ZFHX3: variants seen among roughly 807,000 people sequenced by gnomAD.
ZFHX3 encodes zinc finger homeobox protein 3.
ZFHX3 carries 42 observed loss-of-function variants against 279.1 expected under a neutral mutation model. The observed-to-expected ratio is 0.15, with a 90% CI of 0.12 to 0.19. The LOEUF (loss-of-function observed/expected upper bound fraction) is 0.19, where lower values mean the gene tolerates loss of function less well. Among genes scored for constraint, ZFHX3 ranks in the 10% least tolerant of loss-of-function variants. The pLI, the probability that ZFHX3 is intolerant of heterozygous loss-of-function variation, is 1.00. For missense variants in ZFHX3, 4,981 were observed against 4,754.0 expected (o/e 1.05, Z -1.40); for synonymous variants, 2,293 against 1,957.8 (o/e 1.17, Z -4.52).
intron 3 of ZFHX3, among the ~76,000 whole-genome samples, chr16:72,927,005 G>A (rs956741278): frequency 6.6e-6 from 1 of 152,212 alleles, no homozygotes; most frequent in African/African-American, 2.4e-5. Context: ...CCATGAGCTG[G>A]AGGAGAGTCC....
intron 2 of ZFHX3, among the ~76,000 whole-genome samples, chr16:73,513,092 T>A (rs1024280623): frequency 2.0e-5 from 3 of 152,206 alleles, no homozygotes; most frequent in Admixed American, 6.5e-5. Context: ...ATCATTACTG[T>A]AATGGCTGGC....
chr16:73,157,342 A>G (rs996504518), intron 5 of ZFHX3, among the ~76,000 whole-genome samples: 4 of 151,606 alleles, frequency 2.6e-5, no homozygotes, highest in African/African-American at 9.7e-5. Flanking sequence ...TCAGACACGG[A>G]CTTGTGTTGT....
At chr16:73,448,096 G>T (rs182843602) in intron 3 of ZFHX3, among the ~76,000 whole-genome samples, 1 of 152,134 alleles carries the variant, frequency 6.6e-6, no homozygotes, top group Non-Finnish European at 1.5e-5. Flanking sequence ...GTGTGTTTGT[G>T]GGGGCAGGGG....
exon 1 of ZFHX3, chr16:73,058,573 C>T: frequency 1.3e-5 from 3 of 222,316 alleles, no homozygotes; most frequent in Non-Finnish European, 1.7e-5. Context: ...GCGCTGCTGG[C>T]GACGGCGGCG....
chr16:73,006,449 C>A (rs1963703703), intron 1 of ZFHX3, among the ~76,000 whole-genome samples: 1 of 151,884 alleles, frequency 6.6e-6, no homozygotes. Context: ...ATAGTGAGAC[C>A]CCAATCTCTA....
chr16:73,107,235 A>G (rs566381314), intron 7 of ZFHX3, among the ~76,000 whole-genome samples: 24 of 152,198 alleles, frequency 1.6e-4, no homozygotes, highest in African/African-American at 5.8e-4. Flanking sequence ...GCTTAAATCT[A>G]GGAGGCAGAG....
chr16:73,001,828 A>AG (rs777763928), intron 1 of ZFHX3, among the ~76,000 whole-genome samples: 3 of 151,338 alleles, frequency 2.0e-5, no homozygotes, highest in Non-Finnish European at 2.9e-5. Context: ...CAAAAAAAAA[A>AG]GGGGGGGAAA....
intron 1 of ZFHX3, among the ~76,000 whole-genome samples, chr16:73,712,911 G>T (rs1319135309): frequency 6.6e-6 from 1 of 152,170 alleles, no homozygotes; most frequent in Non-Finnish European, 1.5e-5. Context: ...CTAGCTTGAG[G>T]TCCTATGTAC....
At chr16:73,252,921 G>A (rs1318008866) in intron 5 of ZFHX3, among the ~76,000 whole-genome samples, 7 of 152,208 alleles carry the variant, frequency 4.6e-5, no homozygotes, top group African/African-American at 7.2e-5. Context: ...AGAGAGGGGA[G>A]CTTAGAGAGA....
rs16971694 is a variant in ZFHX3, at chr16:73,305,103, A to G, written c.-1194+13137T>C. The stretch of plus-strand genomic sequence containing the variant: ...TAAAAAAAAAAGCAGCCTAGGAAAA[A>G]TGGCCCAAGATCGGAGAGAAAGAGC... On this transcript the variant is annotated intron_variant, in intron 4 of 17. Coordinates refer to the ZFHX3 transcript ENST00000641206. Among the ~76,000 whole-genome samples, 683 of 152,306 alleles carry G rather than the reference A, an allele frequency of 4.5e-3. 6 individuals carry two copies. The highest frequency in any genetic ancestry group is 0.015 in the African/African-American group (631 of 41,566).
intron 1 of ZFHX3, among the ~76,000 whole-genome samples, chr16:73,044,304 C>A (rs953787088): frequency 6.6e-6 from 1 of 152,128 alleles, no homozygotes; most frequent in African/African-American, 2.4e-5. Context: ...TACAGTAACG[C>A]CCCCATCCTG....
intron 4 of ZFHX3, among the ~76,000 whole-genome samples, chr16:73,313,512 C>T (rs1486190238): frequency 6.6e-6 from 1 of 152,126 alleles, no homozygotes; most frequent in Non-Finnish European, 1.5e-5. Context: ...TCTTATTGTC[C>T]CTATTTCATA....
At chr16:72,946,971 G>A (rs1283932143) in intron 3 of ZFHX3, among the ~76,000 whole-genome samples, 1 of 152,226 alleles carries the variant, frequency 6.6e-6, no homozygotes, top group Non-Finnish European at 1.5e-5. Context: ...GACAGAAAGA[G>A]CCCAGTTCCC....
chr16:72,975,711 C>T (rs1223867937), intron 1 of ZFHX3, among the ~76,000 whole-genome samples: 1 of 152,180 alleles, frequency 6.6e-6, no homozygotes, highest in Admixed American at 6.5e-5. Flanking sequence ...AGAGCTCACA[C>T]TTCCTTAACC....
intron 1 of ZFHX3, among the ~76,000 whole-genome samples, chr16:73,802,024 C>T (rs1213452386): frequency 6.6e-6 from 1 of 152,172 alleles, no homozygotes; most frequent in East Asian, 1.9e-4. Flanking sequence ...CTGAAGTCAT[C>T]CTTGTTTATG....
intron 4 of ZFHX3, among the ~76,000 whole-genome samples, chr16:72,849,141 A>G (rs1362858060): frequency 6.6e-6 from 1 of 152,214 alleles, no homozygotes; most frequent in Non-Finnish European, 1.5e-5. Context: ...GCCCTCCAGG[A>G]GCACAGGGCA....
In ZFHX3 at chr16:73,797,133, G is replaced by A. The variant is rs184982854; in HGVS notation, c.-1608+94518C>T. On this transcript the variant is annotated intron_variant, in intron 1 of 17. Transcript: ENST00000641206. ...CAGGAGAATGGCTTGAACCCAGGAG[G>A]CAGAGGTGGCAGTGAGCCAAGATCA... Among the ~76,000 whole-genome samples the A allele has an allele frequency of 1.6e-4, 24 of 152,160 alleles. 1 individual carries two copies. The East Asian group carries it at 4.4e-3, about 28-fold the overall frequency.
rs374859275 is a variant in ZFHX3 at position 72,796,325 on chromosome 16, T to C, written c.6357A>G (p.Gly2119=). The C allele has an allele frequency of 6.2e-6, 10 of 1,613,886 alleles. No individual in the cohort carries two copies. In the African/African-American group the frequency reaches 1.3e-4, roughly 22 times the overall value. The change falls in exon 9 of 10, where the codon GGA becomes GGG. Residue 2119 remains glycine, a synonymous_variant. Coordinates refer to ENST00000268489, the MANE Select transcript of ZFHX3 (RefSeq NM_006885.4). The part of the protein sequence containing the change: ...TLPAQLPPQL[G]PVEPLPADLA... ...GGTCCGCAGGCAGAGGCTCCACAGGTCCCAGCTGCGGGGGTAGCTGAGCCG... is the reference window on the plus strand; with the variant it reads ...GGTCCGCAGGCAGAGGCTCCACAGGCCCCAGCTGCGGGGGTAGCTGAGCCG...
chr16:73,720,263 A>G (rs2053461638), intron 1 of ZFHX3, among the ~76,000 whole-genome samples: 1 of 152,206 alleles, frequency 6.6e-6, no homozygotes, highest in Non-Finnish European at 1.5e-5. Flanking sequence ...ATCTGGCAAC[A>G]TTTATCAACA....
Sources: allele counts gnomAD v4.1 joint callset (sites outside exome capture counted in the v4.1 genomes callset), GRCh38; gene constraint gnomAD v4.1.1; transcripts MANE v1.5; gene names NCBI Gene and HGNC (gene_info 2026-07-23, HGNC 2026-07-21).